Variants in KHDRBS3 observed in about 807,000 individuals in gnomAD.
KHDRBS3 encodes the protein KH domain-containing, RNA-binding, signal transduction-associated protein 3.
In KHDRBS3, 23 loss-of-function variants were observed where a neutral mutation model predicts 45.6. The ratio of observed to expected loss-of-function variants is 0.50; its 90% CI spans 0.36 to 0.72. The LOEUF (loss-of-function observed/expected upper bound fraction) is 0.72, where lower values mean the gene tolerates loss of function less well. KHDRBS3 is among the 30% of genes least tolerant of loss of function. The pLI, the probability that KHDRBS3 is intolerant of heterozygous loss-of-function variation, is 0.00. For synonymous variants in KHDRBS3, 162 were observed against 156.5 expected (o/e 1.04, Z -0.26); for missense variants, 352 against 424.8 (o/e 0.83, Z 1.51).
chr8:135,647,099 G>A lies in KHDRBS3; in HGVS notation c.*15G>A, dbSNP rs376783420. 6.9e-7 allele frequency: 1 copy of A among 1,443,826 alleles called. No individual in the cohort carries two copies. The highest frequency in any genetic ancestry group is 9.8e-7 in the Non-Finnish European group (1 of 1,025,114). 89.4% of individuals were successfully genotyped at this position (1,443,826 alleles called of 1,614,324 possible). The stretch of plus-strand genomic sequence containing the variant: ...GCAGATACTGATTGTACTGTCTGAT[G>A]TTGTGAAATAGCCAATCTCCACCAG... On this transcript the variant is annotated 3_prime_UTR_variant, in exon 9 of 9. Transcript: ENST00000355849.
chr8:135,615,519 A>G (rs757233494), intron 7 of KHDRBS3, among the ~76,000 whole-genome samples: 5 of 152,142 alleles, frequency 3.3e-5, no homozygotes, highest in African/African-American at 4.8e-5. Flanking sequence ...GTCCATTTTC[A>G]TTCCATTATA....
chr8:135,649,763 G>A (rs1476453077), downstream of KHDRBS3, among the ~76,000 whole-genome samples: 2 of 152,266 alleles, frequency 1.3e-5, no homozygotes, highest in East Asian at 3.9e-4. Flanking sequence ...TGGAGAGGTA[G>A]AGGGTCAATC....
At chr8:135,471,717 C>T (rs1431750288) in intron 1 of KHDRBS3, among the ~76,000 whole-genome samples, 1 of 152,174 alleles carries the variant, frequency 6.6e-6, no homozygotes, top group Non-Finnish European at 1.5e-5. Flanking sequence ...CTCAGAGTCT[C>T]TCTGCTTAGT....
At chr8:135,639,112 T>G (rs1830948270) in intron 7 of KHDRBS3, among the ~76,000 whole-genome samples, 1 of 152,098 alleles carries the variant, frequency 6.6e-6, no homozygotes, top group Non-Finnish European at 1.5e-5. Flanking sequence ...TCACATAACA[T>G]GTGGATGAGC....
chr8:135,542,018 G>A (rs565710049), intron 2 of KHDRBS3: 1 of 152,146 alleles, frequency 6.6e-6, no homozygotes, highest in East Asian at 1.9e-4. Flanking sequence ...AATCATGGTA[G>A]TCTGGTTACA....
chr8:135,563,227 A>G (rs1041470616), intron 5 of KHDRBS3, among the ~76,000 whole-genome samples: 3 of 152,234 alleles, frequency 2.0e-5, no homozygotes, highest in East Asian at 3.9e-4. Flanking sequence ...ATCTGACTCT[A>G]TCTTATTCCA....
chr8:135,485,243 G>C (rs1047075177), intron 1 of KHDRBS3, among the ~76,000 whole-genome samples: 4 of 152,180 alleles, frequency 2.6e-5, no homozygotes, highest in Non-Finnish European at 5.9e-5. Context: ...TGACATGAAG[G>C]AGACATTCAA....
intron 1 of KHDRBS3, among the ~76,000 whole-genome samples, chr8:135,488,039 G>A (rs1481112870): frequency 6.6e-6 from 1 of 152,170 alleles, no homozygotes; most frequent in African/African-American, 2.4e-5. Flanking sequence ...GTGCATAGGT[G>A]CATATGTCTA....
At chr8:135,471,091 A>G (rs112881307) in intron 1 of KHDRBS3, among the ~76,000 whole-genome samples, 20 of 152,316 alleles carry the variant, frequency 1.3e-4, no homozygotes, top group Middle Eastern at 3.4e-3. Context: ...ATGGAATACT[A>G]GGCCCAGAAT....
At chr8:135,624,515 G>A (rs1830275892) in intron 7 of KHDRBS3, among the ~76,000 whole-genome samples, 1 of 152,162 alleles carries the variant, frequency 6.6e-6, no homozygotes, top group Non-Finnish European at 1.5e-5. Flanking sequence ...AACATCTCAA[G>A]ACTAAAACAC....
chr8:135,591,373 T>A (rs929517634), intron 6 of KHDRBS3, among the ~76,000 whole-genome samples: 3 of 152,240 alleles, frequency 2.0e-5, no homozygotes, highest in Non-Finnish European at 4.4e-5. Flanking sequence ...GATGTCTTAT[T>A]TCCTCATAGG....
intron 4 of KHDRBS3, among the ~76,000 whole-genome samples, chr8:135,553,583 C>T (rs141094667): frequency 6.6e-6 from 1 of 152,268 alleles, no homozygotes; most frequent in Non-Finnish European, 1.5e-5. Flanking sequence ...GATCACAATA[C>T]AAACAGTGAT....
chr8:135,618,985 A>AT (rs1189855735), intron 7 of KHDRBS3, among the ~76,000 whole-genome samples: 1 of 152,176 alleles, frequency 6.6e-6, no homozygotes, highest in Non-Finnish European at 1.5e-5. Flanking sequence ...CAGGTGATAG[A>AT]TTGCTTCCAG....
At chr8:135,553,355 G>A (rs1169753535) in intron 4 of KHDRBS3, among the ~76,000 whole-genome samples, 1 of 151,886 alleles carries the variant, frequency 6.6e-6, no homozygotes, top group Non-Finnish European at 1.5e-5. Flanking sequence ...GCTTTTTATG[G>A]GGGAGGCTTT....
At chr8:135,630,683 A>C (rs112783998) in intron 7 of KHDRBS3, among the ~76,000 whole-genome samples, 3 of 152,168 alleles carry the variant, frequency 2.0e-5, no homozygotes, top group African/African-American at 7.2e-5. Context: ...ACAGCATATC[A>C]TTGCACTGAA....
rs752002303 is a variant in KHDRBS3, at chr8:135,521,191, G to C, written c.89-46G>C. 3.4e-6 allele frequency: 4 copies of C among 1,160,040 alleles called. No individual in the cohort carries two copies. In the Admixed American group the frequency reaches 6.9e-5, roughly 20 times the overall value. The allele number at this position is 1,160,040 out of a possible 1,614,324, so 71.9% of individuals were successfully genotyped here. ...GAGCTAACCAGAACACCCAGCCCCTGCATTTCTGAGTCATACACTTCATGG... is the reference window on the plus strand; with the variant it reads ...GAGCTAACCAGAACACCCAGCCCCTCCATTTCTGAGTCATACACTTCATGG... On this transcript the variant is annotated intron_variant, in intron 1 of 8. Coordinates refer to ENST00000355849, the MANE Select transcript of KHDRBS3 (RefSeq NM_006558.3).
chr8:135,490,604 A>G (rs1054857182), intron 1 of KHDRBS3, among the ~76,000 whole-genome samples: 1 of 152,258 alleles, frequency 6.6e-6, no homozygotes, highest in East Asian at 1.9e-4. Flanking sequence ...TTCAGATAAT[A>G]GTAATAAATG....
chr8:135,628,259 A>G (rs993394717), intron 7 of KHDRBS3, among the ~76,000 whole-genome samples: 1 of 151,976 alleles, frequency 6.6e-6, no homozygotes, highest in Non-Finnish European at 1.5e-5. Flanking sequence ...ACTAGACTCA[A>G]CATGGTTTAT....
Position 135,515,194 on chromosome 8 carries a change from G to A in KHDRBS3, c.89-6043G>A, listed in dbSNP as rs946354271. Among the ~76,000 whole-genome samples the A allele has an allele frequency of 6.5e-4, 99 of 151,480 alleles. 1 individual carries two copies. Among genetic ancestry groups the A allele is most frequent in the Middle Eastern group, 3.4e-3 (1 of 294 alleles). ...ATCCTGGCTAACACGGTGAAACGCCGTCTCTACTAAAAATACAAAAAATTA... is the reference window on the plus strand; with the variant it reads ...ATCCTGGCTAACACGGTGAAACGCCATCTCTACTAAAAATACAAAAAATTA... On this transcript the variant is annotated intron_variant, in intron 1 of 8. Coordinates refer to ENST00000355849, the MANE Select transcript of KHDRBS3 (RefSeq NM_006558.3).
Sources: allele counts gnomAD v4.1 joint callset (sites outside exome capture counted in the v4.1 genomes callset), GRCh38; gene constraint gnomAD v4.1.1; transcripts MANE v1.5; gene names NCBI Gene and HGNC (gene_info 2026-07-23, HGNC 2026-07-21).